The following VPS41 variants were observed in gnomAD, a reference collection of about 807,000 sequenced individuals.
The protein encoded by VPS41 is vacuolar protein sorting-associated protein 41 homolog.
Under a neutral mutation model 130.9 loss-of-function variants are expected in VPS41, and 85 were observed. The observed-to-expected ratio is 0.65, with a 90% confidence interval of 0.55 to 0.78. The LOEUF (loss-of-function observed/expected upper bound fraction) is 0.78, where lower values mean the gene tolerates loss of function less well. Among genes scored for constraint, VPS41 ranks in the 30% least tolerant of loss-of-function variants. The pLI is 0.00. For missense variants in VPS41, 874 were observed against 1,018.7 expected (o/e 0.86, Z 1.93); for synonymous variants, 335 against 332.9 (o/e 1.01, Z -0.07).
intron 3 of VPS41, among the ~76,000 whole-genome samples, chr7:38,866,657 T>A (rs1400436000): frequency 1.3e-5 from 2 of 152,218 alleles, no homozygotes; most frequent in Non-Finnish European, 2.9e-5. Flanking sequence ...ATGCATGCTA[T>A]TCCAGTGAAG....
At chr7:38,752,343 C>A (rs1467303685) in intron 21 of VPS41, 30 bp from the exon 22 acceptor site, 1 of 1,611,736 alleles carries the variant, frequency 6.2e-7, no homozygotes, top group East Asian at 2.2e-5. Context: ...AGCCGTGACC[C>A]ATTAAAATGA....
intron 4 of VPS41, among the ~76,000 whole-genome samples, chr7:38,842,175 C>G (rs1012659185): frequency 6.6e-6 from 1 of 152,106 alleles, no homozygotes; most frequent in African/African-American, 2.4e-5. Flanking sequence ...CCTCATACCC[C>G]ACACAAGCAA....
At chr7:38,752,459 G>A (rs980254598) in intron 21 of VPS41, 146 bp from the exon 22 acceptor site, 5 of 982,206 alleles carry the variant, frequency 5.1e-6, no homozygotes, top group African/African-American at 1.6e-5. Context: ...TGATGGAGAA[G>A]TGGAAAGGAA....
chr7:38,909,150 T>G lies in VPS41; in HGVS notation c.21+4A>C. On this transcript the variant is annotated splice_donor_region_variant and intron_variant, in intron 1 of 28. Transcript: ENST00000310301. ...TGCCCTCAACTACCACCTGCACCCT[T>G]TACCTGCTCCTCTGCTTCCGCCATG... The G allele has an allele frequency of 6.2e-7, 1 of 1,614,214 alleles. No individual in the cohort carries two copies. The highest frequency in any genetic ancestry group is 8.5e-7 in the Non-Finnish European group (1 of 1,180,018).
At chr7:38,743,615 C>A (rs1196101012) in intron 23 of VPS41, 73 bp from the exon 24 acceptor site, 3 of 1,537,696 alleles carry the variant, frequency 2.0e-6, no homozygotes, top group Admixed American at 1.8e-5. Flanking sequence ...AATTGCATAT[C>A]TCTTAATTTG....
At chr7:38,796,049 A>G (rs1784611995) in intron 8 of VPS41, among the ~76,000 whole-genome samples, 1 of 152,234 alleles carries the variant, frequency 6.6e-6, no homozygotes. Context: ...TCAGGCAAGC[A>G]GCTAACTAAA....
chr7:38,882,616 C>A (rs1211520411), intron 2 of VPS41, among the ~76,000 whole-genome samples: 1 of 152,160 alleles, frequency 6.6e-6, no homozygotes, highest in East Asian at 1.9e-4. Flanking sequence ...TTCCAACCTA[C>A]CCACCACCAC....
chr7:38,807,963 A>AGAGAGAT (rs2116048463), intron 7 of VPS41, among the ~76,000 whole-genome samples: 2 of 152,342 alleles, frequency 1.3e-5, no homozygotes, highest in African/African-American at 4.8e-5. Context: ...GTTATAAGGA[A>AGAGAGAT]GAGAGATGGT....
chr7:38,854,645 A>G, intron 4 of VPS41, among the ~76,000 whole-genome samples: 1 of 152,180 alleles, frequency 6.6e-6, no homozygotes, highest in South Asian at 2.1e-4. Context: ...TAGTCTAAAT[A>G]TGTGAAACTG....
chr7:38,731,846 G>A (rs2214667), intron 25 of VPS41, among the ~76,000 whole-genome samples: 135,880 of 152,034 alleles, frequency 0.89, 60,813 homozygotes, highest in East Asian at 0.99. Flanking sequence ...CAAATCTGTT[G>A]ATATTTTCCC....
At chr7:38,862,475 A>G (rs1786137610) in intron 4 of VPS41, 70 bp downstream of exon 4, 2 of 979,006 alleles carry the variant, frequency 2.0e-6, no homozygotes. Flanking sequence ...AAACTGGTAA[A>G]CCAATATTCT....
intron 2 of VPS41, among the ~76,000 whole-genome samples, chr7:38,894,237 G>A (rs1040023088): frequency 1.3e-5 from 2 of 152,094 alleles, no homozygotes; most frequent in Non-Finnish European, 2.9e-5. Context: ...TCAAAATATC[G>A]CTCCTGGAAC....
At chr7:38,791,802 G>C (rs1384897339) in intron 9 of VPS41, among the ~76,000 whole-genome samples, 2 of 152,100 alleles carry the variant, frequency 1.3e-5, no homozygotes, top group Non-Finnish European at 2.9e-5. Context: ...GACCTCATCT[G>C]ACCTGCACTT....
intron 5 of VPS41, among the ~76,000 whole-genome samples, chr7:38,829,751 C>A (rs974512282): frequency 6.6e-6 from 1 of 152,174 alleles, no homozygotes; most frequent in Non-Finnish European, 1.5e-5. Flanking sequence ...ATTGATTTTA[C>A]ATTTATTTAA....
intron 24 of VPS41, among the ~76,000 whole-genome samples, chr7:38,742,439 C>A (rs1028795399): frequency 6.6e-6 from 1 of 152,078 alleles, no homozygotes; most frequent in African/African-American, 2.4e-5. Flanking sequence ...TTATTGACAA[C>A]TGACTATGGC....
intron 11 of VPS41, 67 bp downstream of exon 11, chr7:38,776,612 C>T (rs943601101): frequency 1.2e-5 from 10 of 863,158 alleles, no homozygotes; most frequent in Non-Finnish European, 1.8e-5. Flanking sequence ...TGATGAACAA[C>T]CTGATCTGGG....
At chr7:38,895,353 C>A (rs1584451383) in intron 2 of VPS41, among the ~76,000 whole-genome samples, 1 of 150,244 alleles carries the variant, frequency 6.7e-6, no homozygotes, top group Non-Finnish European at 1.5e-5. Context: ...ATAAAAAAAA[C>A]AAACCACGTT....
intron 4 of VPS41, among the ~76,000 whole-genome samples, chr7:38,851,509 T>C (rs771294362): frequency 3.9e-5 from 6 of 152,242 alleles, no homozygotes; most frequent in Non-Finnish European, 8.8e-5. Flanking sequence ...TTCATTCCTT[T>C]TTATTTTGAG....
At chr7:38,755,911 C>T (rs1332976842) in intron 19 of VPS41, among the ~76,000 whole-genome samples, 6 of 152,058 alleles carry the variant, frequency 3.9e-5, no homozygotes, top group South Asian at 2.1e-4. Flanking sequence ...CTTGGAGCTA[C>T]GTAATTCTTC....
Sources: allele counts gnomAD v4.1 joint callset (sites outside exome capture counted in the v4.1 genomes callset), GRCh38; gene constraint gnomAD v4.1.1; transcripts MANE v1.5; gene names NCBI Gene and HGNC (gene_info 2026-07-23, HGNC 2026-07-21).